USB1: variants seen among roughly 807,000 people sequenced by gnomAD.
USB1 encodes the protein U6 snRNA phosphodiesterase 1.
A neutral mutation model predicts 29.9 loss-of-function variants in USB1; 21 were observed. The observed-to-expected ratio is 0.70, with a 90% CI of 0.50 to 1.01. USB1 has a LOEUF of 1.01. Among genes scored for constraint, USB1 ranks in the 50% least tolerant of loss-of-function variants. The pLI is 0.00. For synonymous variants in USB1, 143 were observed against 134.9 expected, an observed-to-expected ratio of 1.06 and a Z score of -0.42; for missense variants, 330 against 347.1, an observed-to-expected ratio of 0.95 and a Z score of 0.39.
In USB1 at chr16:58,002,574, C is replaced by A. The variant is rs749129393; in HGVS notation, c.194C>A (p.Thr65Lys). The A allele has an allele frequency of 2.2e-5, 35 of 1,613,974 alleles. No homozygotes were observed. Among genetic ancestry groups the A allele is most frequent in the Non-Finnish European group, 2.8e-5 (33 of 1,180,038 alleles). ...GTEEGPEDDSTKHGGRVRTFP... is the reference protein window; with the variant it reads ...GTEEGPEDDSKKHGGRVRTFP... The stretch of plus-strand genomic sequence containing the variant: ...GAGGAGGGGCCTGAAGATGACAGCA[C>A]AAAACACGGGGGACGGGTGCGCACC... The change falls in exon 2 of 7, where the codon ACA becomes AAA. Residue 65 changes from threonine to lysine, a missense_variant. Coordinates refer to ENST00000219281, the MANE Select transcript of USB1 (RefSeq NM_024598.4).
chr16:58,014,312 T>C lies in USB1; in HGVS notation c.489T>C (p.Asn163=), dbSNP rs769596860. The change falls in exon 4 of 7, where the codon AAT becomes AAC. Residue 163 remains asparagine, a synonymous_variant. Coordinates refer to ENST00000219281, the MANE Select transcript of USB1 (RefSeq NM_024598.4). ...FTANQVKIYT[N]QEKTRTFIGL... ...CCAACCAGGTAAAGATTTACACCAA[T>C]CAAGAGAAAACCAGGTGGGTCCTCC... 1 of 1,613,818 alleles carries C rather than the reference T, an allele frequency of 6.2e-7. No individual in the cohort carries two copies. The highest frequency in any genetic ancestry group is 8.5e-7 in the Non-Finnish European group (1 of 1,179,738).
In USB1 at chr16:58,012,144, T is replaced by A. The variant is rs1319386142; in HGVS notation, c.449+2032T>A. ...TGTCACTGCCCAACTAGGAAACTGC[T>A]CAGTTAGCTGAACCCCTTCTGAGGG... On this transcript the variant is annotated intron_variant, in intron 3 of 6. Transcript: ENST00000219281. The A allele has an allele frequency of 3.5e-6, 5 of 1,416,808 alleles. No individual in the cohort carries two copies. In the African/African-American group the frequency reaches 7.2e-5, roughly 20 times the overall value. The allele number at this position is 1,416,808 out of a possible 1,614,324, so 87.8% of individuals were successfully genotyped here.
intron 1 of USB1, 21 bp downstream of exon 1, chr16:58,001,602 T>C (rs1229487627): frequency 1.3e-6 from 2 of 1,589,536 alleles, no homozygotes; most frequent in East Asian, 2.3e-5. Flanking sequence ...AGGAAGTCTC[T>C]CCGGAGGGCG....
Position 58,020,416 on chromosome 16 carries a change from C to T in USB1, c.*171C>T. On this transcript the variant is annotated 3_prime_UTR_variant, in exon 7 of 7. Transcript: ENST00000219281. The stretch of plus-strand genomic sequence containing the variant: ...TCCTCCCTGAGTGCTGATATTCTCT[C>T]TCTCTCTTTCTCTTCCTCTTCTTTC... 3 of 660,740 alleles carry T rather than the reference C, an allele frequency of 4.5e-6. No homozygotes were observed. Among genetic ancestry groups the T allele is most frequent in the East Asian group, 2.7e-5 (1 of 36,682 alleles). 40.9% of individuals were successfully genotyped at this position (660,740 alleles called of 1,614,324 possible).
upstream of USB1, chr16:57,999,824 G>A (rs1325672232): frequency 6.6e-6 from 1 of 152,594 alleles, no homozygotes; most frequent in Non-Finnish European, 1.5e-5. Flanking sequence ...AGAGGGGGAA[G>A]GTGGGCTTCT....
chr16:58,009,845 T>G (rs903432851), intron 2 of USB1, 84 bp from the exon 3 acceptor site: 30 of 1,542,662 alleles, frequency 1.9e-5, no homozygotes, highest in Non-Finnish European at 2.6e-5. Context: ...TAATAAGGAC[T>G]TCCCTCTGCC....
At chr16:58,020,049 T>G (rs1456213800) in intron 6 of USB1, 92 bp from the exon 7 acceptor site, 1 of 1,252,380 alleles carries the variant, frequency 8.0e-7, no homozygotes, top group African/African-American at 1.5e-5. Context: ...TCGCCCAGCC[T>G]CTGAAGTTGG....
intron 4 of USB1, 114 bp downstream of exon 4, chr16:58,014,440 A>G (rs1203152018): frequency 9.9e-6 from 9 of 905,446 alleles, no homozygotes; most frequent in East Asian, 7.6e-5. Context: ...AACCAACTCT[A>G]TGACTATAAA....
intron 4 of USB1, chr16:58,015,828 C>T (rs771344558): frequency 6.6e-6 from 1 of 152,110 alleles, no homozygotes; most frequent in Non-Finnish European, 1.5e-5. Flanking sequence ...AAGATTTCAG[C>T]ATGTTTGAGG....
intron 2 of USB1, among the ~76,000 whole-genome samples, chr16:58,008,601 G>A (rs1026093420): frequency 4.0e-5 from 6 of 151,644 alleles, no homozygotes; most frequent in Non-Finnish European, 5.9e-5. Context: ...CTATAGGCAC[G>A]CACCACCGTG....
At position 58,008,547 on chromosome 16, in the gene USB1, A is replaced by G. The variant is rs1963415164; in HGVS notation, c.266-1382A>G. ...CAGCTCACTGCAACTTCCGCCTCCC[A>G]GGTTCAAGTGGTTCTCCTGTCTCAG... On this transcript the variant is annotated intron_variant, in intron 2 of 6. Transcript: ENST00000219281. Among the ~76,000 whole-genome samples the G allele has an allele frequency of 2.1e-5, 3 of 145,924 alleles. No homozygotes were observed. In the South Asian group the frequency reaches 6.4e-4, roughly 31 times the overall value.
intron 2 of USB1, among the ~76,000 whole-genome samples, chr16:58,006,665 A>C (rs1963367842): frequency 6.6e-6 from 1 of 152,206 alleles, no homozygotes; most frequent in Admixed American, 6.5e-5. Flanking sequence ...TCTTGGGGAA[A>C]AAAAAAAGAA....
chr16:58,006,213 G>A (rs530121725), intron 2 of USB1, among the ~76,000 whole-genome samples: 41 of 151,838 alleles, frequency 2.7e-4, no homozygotes, highest in African/African-American at 8.7e-4. Context: ...TTAGCCAGCC[G>A]TGGTGGGACA....
upstream of USB1, among the ~76,000 whole-genome samples, chr16:58,000,166 C>G (rs1008622198): frequency 6.6e-6 from 1 of 152,172 alleles, no homozygotes; most frequent in Non-Finnish European, 1.5e-5. This position sits in a 1 kb window ranked among gnomAD's most constrained non-coding sequence, Gnocchi z 4.5. Context: ...ATGGCCCGGC[C>G]GCTGCGACCC....
chr16:58,020,621 C>CCTCTCTCTTCCTCTCCT lies in USB1; in HGVS notation c.*400_*416dup, dbSNP rs1268845885. On this transcript the variant is annotated 3_prime_UTR_variant, in exon 7 of 7. Coordinates refer to ENST00000219281, the MANE Select transcript of USB1 (RefSeq NM_024598.4). ...CTACCCCTCCTGTCTCTCCTCCCCT[C>CCTCTCTCTTCCTCTCCT]CTCTCTCTTCCTCTCCTCTCTCTCT... 1.2e-5 allele frequency: 4 copies of CCTCTCTCTTCCTCTCCT among 322,832 alleles called. No homozygotes were observed. Among genetic ancestry groups the CCTCTCTCTTCCTCTCCT allele is most frequent in the East Asian group, 8.0e-5 (1 of 12,502 alleles). 20.0% of individuals were successfully genotyped at this position (322,832 alleles called of 1,614,324 possible).
upstream of USB1, chr16:58,000,519 G>C (rs905437940): frequency 3.3e-5 from 5 of 150,044 alleles, no homozygotes; most frequent in African/African-American, 1.2e-4. The surrounding 1 kb of genome is among the most constrained non-coding windows in gnomAD (Gnocchi z 4.5). Flanking sequence ...GCCAATCCCC[G>C]GCCTCGCGTA....
Position 58,013,952 on chromosome 16 carries a change from A to T in USB1, c.450-321A>T, listed in dbSNP as rs531077409. ...GCTGTTAAGTGGTCCATTATCACCT[A>T]CTTGATCAATAAGGCTTTCTCAGTT... On this transcript the variant is annotated intron_variant, in intron 3 of 6. Transcript: ENST00000219281. The surrounding 1 kb of genome is among the most constrained non-coding windows in gnomAD (Gnocchi z 4.3). 7 of 323,166 alleles carry T rather than the reference A, an allele frequency of 2.2e-5. No individual in the cohort carries two copies. The highest frequency in any genetic ancestry group is 2.0e-4 in the South Asian group (6 of 29,494). 20.0% of individuals were successfully genotyped at this position (323,166 alleles called of 1,614,324 possible).
rs758458788 is a variant in USB1, at chr16:58,001,447, C to T, written c.-37C>T. The T allele has an allele frequency of 1.3e-6, 2 of 1,570,416 alleles. No individual in the cohort carries two copies. The highest frequency in any genetic ancestry group is 1.4e-5 in the African/African-American group (1 of 73,896). On this transcript the variant is annotated 5_prime_UTR_variant, in exon 1 of 7. Transcript: ENST00000219281. The stretch of plus-strand genomic sequence containing the variant: ...GAACTCCGGGTGCCGGTTGAGGTTG[C>T]TGGTGGACCTGCTCTGGTGGTCTTG...
chr16:58,009,794 C>A, intron 2 of USB1, 135 bp from the exon 3 acceptor site: 2 of 789,856 alleles, frequency 2.5e-6, no homozygotes, highest in Non-Finnish European at 4.4e-6. Context: ...AAGACATAGA[C>A]ATAGGCTGCT....
Sources: allele counts gnomAD v4.1 joint callset (sites outside exome capture counted in the v4.1 genomes callset), GRCh38; gene constraint gnomAD v4.1.1; non-coding constraint Gnocchi (gnomAD v3.1); transcripts MANE v1.5; gene names NCBI Gene and HGNC (gene_info 2026-07-23, HGNC 2026-07-21).